Variants in GRK5 observed in about 807,000 individuals in gnomAD.
GRK5 encodes g protein-coupled receptor kinase GRK5.
GRK5 carries 40 observed loss-of-function variants against 78.4 expected under a neutral mutation model. The observed-to-expected ratio is 0.51, with a 90% CI of 0.40 to 0.66. The LOEUF is 0.66. GRK5 is among the 30% of genes least tolerant of loss of function. The pLI is 0.00. For missense variants in GRK5, 598 were observed against 759.9 expected, an observed-to-expected ratio of 0.79 and a Z score of 2.50; for synonymous variants, 289 against 296.8, an observed-to-expected ratio of 0.97 and a Z score of 0.27.
chr10:119,371,752 C>T (rs567771973), intron 2 of GRK5, among the ~76,000 whole-genome samples: 462 of 152,352 alleles, frequency 3.0e-3, no homozygotes, highest in Non-Finnish European at 5.4e-3. Context: ...TCTCCTTTCT[C>T]AGTCATCGGA....
At chr10:119,420,850 G>C in intron 4 of GRK5, among the ~76,000 whole-genome samples, 1 of 152,260 alleles carries the variant, frequency 6.6e-6, no homozygotes, top group South Asian at 2.1e-4. Context: ...CAAAGTGCTG[G>C]CATTACAGGC....
chr10:119,407,210 G>C (rs1427012491), intron 4 of GRK5, among the ~76,000 whole-genome samples: 1 of 152,196 alleles, frequency 6.6e-6, no homozygotes, highest in East Asian at 1.9e-4. Flanking sequence ...GTGGATCCCA[G>C]TTTAAGCACC....
chr10:119,357,441 T>A (rs1851281377), intron 2 of GRK5, among the ~76,000 whole-genome samples: 1 of 152,192 alleles, frequency 6.6e-6, no homozygotes, highest in Non-Finnish European at 1.5e-5. Flanking sequence ...GGAAAGGCTG[T>A]GGCTGATAAT....
intron 13 of GRK5, 38 bp downstream of exon 13, chr10:119,448,298 C>T: frequency 6.4e-7 from 1 of 1,565,268 alleles, no homozygotes; most frequent in Non-Finnish European, 8.6e-7. Context: ...GCTCCCTTCA[C>T]AGGGTACCCA....
chr10:119,221,687 T>C (rs1462045351), intron 1 of GRK5, among the ~76,000 whole-genome samples: 1 of 152,234 alleles, frequency 6.6e-6, no homozygotes, highest in African/African-American at 2.4e-5. Context: ...CTTCTGTTTT[T>C]TTCCTGTGGG....
chr10:119,214,189 G>C (rs984902434), intron 1 of GRK5, among the ~76,000 whole-genome samples: 2 of 152,132 alleles, frequency 1.3e-5, no homozygotes, highest in African/African-American at 2.4e-5. Context: ...TGGCCAGGCT[G>C]GTCTCAAACT....
At chr10:119,371,287 C>T (rs984548723) in intron 2 of GRK5, among the ~76,000 whole-genome samples, 3 of 152,204 alleles carry the variant, frequency 2.0e-5, no homozygotes, top group Admixed American at 6.5e-5. Context: ...GCTCGGGCCC[C>T]GTGGCCATCC....
At chr10:119,304,974 C>A (rs1850249942) in intron 1 of GRK5, among the ~76,000 whole-genome samples, 1 of 151,958 alleles carries the variant, frequency 6.6e-6, no homozygotes, top group Non-Finnish European at 1.5e-5. Context: ...TCATCTCTCC[C>A]TTCCCTCTCT....
intron 1 of GRK5, among the ~76,000 whole-genome samples, chr10:119,293,092 G>A (rs1039521861): frequency 2.0e-5 from 3 of 152,218 alleles, no homozygotes; most frequent in Non-Finnish European, 4.4e-5. Context: ...ATAAAAGAGC[G>A]AAGACCTGAA....
At chr10:119,434,406 T>C (rs1436530742) in intron 8 of GRK5, among the ~76,000 whole-genome samples, 1 of 152,234 alleles carries the variant, frequency 6.6e-6, no homozygotes, top group Non-Finnish European at 1.5e-5. Flanking sequence ...AGCAAGTTAG[T>C]TACTTCCTAG....
intron 1 of GRK5, among the ~76,000 whole-genome samples, chr10:119,263,986 T>C (rs986969495): frequency 6.6e-6 from 1 of 152,174 alleles, no homozygotes; most frequent in African/African-American, 2.4e-5. Context: ...TGATAACTAA[T>C]TGTGGGTCTT....
intron 1 of GRK5, among the ~76,000 whole-genome samples, chr10:119,228,941 C>A (rs1327173960): frequency 6.6e-6 from 1 of 152,086 alleles, no homozygotes; most frequent in Admixed American, 6.5e-5. Flanking sequence ...TGTGTTACTT[C>A]AAGGATTCTT....
rs765136077 is a variant in GRK5 at position 119,264,470 on chromosome 10, C to T, written c.52+56501C>T. Among the ~76,000 whole-genome samples the T allele has an allele frequency of 6.6e-6, 1 of 152,130 alleles. No individual in the cohort carries two copies. Among genetic ancestry groups the T allele is most frequent in the Non-Finnish European group, 1.5e-5 (1 of 68,032 alleles). ...AGTGTTGGCCTCTCTCTCCTACTAC[C>T]GCTCATCCTTCTCCCCATGACGATA... On this transcript the variant is annotated intron_variant, in intron 1 of 15. Coordinates refer to ENST00000392870, the MANE Select transcript of GRK5 (RefSeq NM_005308.3). This position sits in a 1 kb window ranked among gnomAD's most constrained non-coding sequence, Gnocchi z 4.1.
intron 6 of GRK5, among the ~76,000 whole-genome samples, chr10:119,427,046 A>G (rs933911824): frequency 2.1e-4 from 31 of 150,572 alleles, no homozygotes; most frequent in East Asian, 2.0e-4. Context: ...CAGCATCACC[A>G]CCATCATCAA....
At chr10:119,381,223 G>T (rs942874851) in intron 3 of GRK5, among the ~76,000 whole-genome samples, 1 of 152,222 alleles carries the variant, frequency 6.6e-6, no homozygotes, top group Non-Finnish European at 1.5e-5. Flanking sequence ...ATGGGAGGCA[G>T]TGCCTGGGGA....
rs941422193 is a variant in GRK5 at position 119,459,618 on chromosome 10, G to A, written c.*4551G>A. On this transcript the variant is annotated 3_prime_UTR_variant, in exon 16 of 16. Coordinates refer to ENST00000392870, the MANE Select transcript of GRK5 (RefSeq NM_005308.3). ...TTCCACAGTGGCGGTCACTCCTGAA[G>A]GCAGCGGCTTCTGTTCTCCCGCTGC... 1.3e-5 allele frequency: 2 copies of A among 152,224 alleles called. No individual in the cohort carries two copies. The highest frequency in any genetic ancestry group is 2.9e-5 in the Non-Finnish European group (2 of 68,042). The allele number at this position is 152,224 out of a possible 1,614,324, so 9.4% of individuals were successfully genotyped here.
At chr10:119,369,895 AC>A (rs752240229) in intron 2 of GRK5, among the ~76,000 whole-genome samples, 3 of 149,506 alleles carry the variant, frequency 2.0e-5, no homozygotes, top group Non-Finnish European at 4.5e-5. Context: ...CCCTCAGTCC[AC>A]CCCCACCCCT....
At chr10:119,263,011 GTA>G in intron 1 of GRK5, among the ~76,000 whole-genome samples, 1 of 151,914 alleles carries the variant, frequency 6.6e-6, no homozygotes, top group African/African-American at 2.4e-5. Flanking sequence ...GATTCACAAT[GTA>G]CATTTTTTTT....
chr10:119,428,054 G>A (rs980531015), intron 6 of GRK5, among the ~76,000 whole-genome samples: 12 of 152,236 alleles, frequency 7.9e-5, no homozygotes, highest in Non-Finnish European at 1.8e-4. Context: ...ACTCTTGCTG[G>A]AGGATCAGTC....
Sources: gnomAD v4.1 joint callset for allele counts (sites outside exome capture counted in the v4.1 genomes callset) on GRCh38, gnomAD v4.1.1 for gene constraint, Gnocchi (gnomAD v3.1) non-coding constraint, MANE v1.5 for transcripts, NCBI Gene and HGNC (gene_info 2026-07-23, HGNC 2026-07-21) for gene names.